The following CUL3 variants were observed in gnomAD, a reference collection of about 807,000 sequenced individuals.
CUL3 encodes the protein cullin-3.
CUL3 carries 19 observed loss-of-function variants against 89.1 expected under a neutral mutation model. The observed-to-expected ratio is 0.21, with a 90% CI of 0.15 to 0.31. The LOEUF is 0.31. CUL3 is among the 10% of genes least tolerant of loss of function. The probability of loss-of-function intolerance (pLI) is 1.00; values close to 1 mark genes in which losing one functional copy is unlikely to be tolerated. For synonymous variants in CUL3, 351 were observed against 308.4 expected (o/e 1.14, Z -1.45); for missense variants, 469 against 942.3 (o/e 0.50, Z 6.58).
intron 2 of CUL3, among the ~76,000 whole-genome samples, chr2:224,554,074 T>C (rs1694614246): frequency 6.6e-6 from 1 of 152,020 alleles, no homozygotes; most frequent in Admixed American, 6.6e-5. Flanking sequence ...ACTCTGGCCT[T>C]CTCTCTTCTC....
chr2:224,541,056 T>G (rs1450094881), intron 2 of CUL3, among the ~76,000 whole-genome samples: 1 of 152,166 alleles, frequency 6.6e-6, no homozygotes, highest in African/African-American at 2.4e-5. Flanking sequence ...TGTCATCTGA[T>G]AATTTTAAGC....
intron 10 of CUL3, 28 bp downstream of exon 10, chr2:224,502,937 C>G (rs2106194043): frequency 6.7e-7 from 1 of 1,497,610 alleles, no homozygotes; most frequent in Non-Finnish European, 9.3e-7. Flanking sequence ...ACATGAATAT[C>G]TAAGTAGAAA....
chr2:224,475,511 G>C (rs758163085), intron 15 of CUL3, among the ~76,000 whole-genome samples: 1 of 152,122 alleles, frequency 6.6e-6, no homozygotes, highest in Non-Finnish European at 1.5e-5. Flanking sequence ...TACTCTTGTT[G>C]ATCAGTTCAT....
At chr2:224,483,557 CT>C (rs1559338566) in intron 13 of CUL3, among the ~76,000 whole-genome samples, 1 of 152,142 alleles carries the variant, frequency 6.6e-6, no homozygotes, top group Non-Finnish European at 1.5e-5. Context: ...ATTTAAATTA[CT>C]TTTTAAAAGC....
In CUL3 at chr2:224,478,251, C is replaced by T. The variant is rs947047598; in HGVS notation, c.2124G>A (p.Val708=). The T allele has an allele frequency of 6.2e-7, 1 of 1,613,608 alleles. No homozygotes were observed. The highest frequency in any genetic ancestry group is 2.2e-5 in the East Asian group (1 of 44,846). Residue 708 remains valine (V), a synonymous_variant, in exon 15 of 16, where the codon GTG becomes GTA. Transcript: ENST00000264414. The part of the protein sequence containing the change: ...DRKHEIEAAI[V]RIMKSRKKMQ... ...TCTTCTTTCTAGATTTCATTATCCG[C>T]ACTATAGCAGCTTCTATCTCATGTT...
At chr2:224,580,678 T>G (rs1695415212) in intron 1 of CUL3, among the ~76,000 whole-genome samples, 1 of 151,784 alleles carries the variant, frequency 6.6e-6, no homozygotes, top group Non-Finnish European at 1.5e-5. Context: ...AGCAAGACTC[T>G]GTCTCAAAAA....
intron 6 of CUL3, 23 bp from the exon 7 acceptor site, chr2:224,507,026 T>C: frequency 6.2e-7 from 1 of 1,602,866 alleles, no homozygotes; most frequent in Non-Finnish European, 8.5e-7. Context: ...AAACACAAAT[T>C]GGCTACATTA....
intron 3 of CUL3, among the ~76,000 whole-genome samples, chr2:224,519,642 T>C (rs977757172): frequency 1.3e-5 from 2 of 152,182 alleles, no homozygotes; most frequent in Non-Finnish European, 2.9e-5. Flanking sequence ...TAATACTAAA[T>C]AATCATTTAT....
intron 14 of CUL3, among the ~76,000 whole-genome samples, chr2:224,480,983 A>C (rs1320988612): frequency 6.6e-6 from 1 of 152,190 alleles, no homozygotes; most frequent in Non-Finnish European, 1.5e-5. Context: ...CAAAGTATAC[A>C]TACGAAACAA....
At chr2:224,493,330 TTTCTTTAAA>T (rs1307190372) in intron 13 of CUL3, among the ~76,000 whole-genome samples, 1 of 152,194 alleles carries the variant, frequency 6.6e-6, no homozygotes, top group African/African-American at 2.4e-5. Flanking sequence ...GTGGAGGTGA[TTTCTTTAAA>T]AAGGCTAGCT....
intron 3 of CUL3, among the ~76,000 whole-genome samples, chr2:224,515,764 C>T (rs1481612275): frequency 6.6e-6 from 1 of 151,574 alleles, no homozygotes; most frequent in Non-Finnish European, 1.5e-5. Context: ...GGTGCCATCT[C>T]GGCTCACTGC....
At position 224,500,367 on chromosome 2, in the gene CUL3, T is replaced by C; in HGVS notation, c.1606A>G (p.Arg536Gly). 1 of 1,614,088 alleles carries C rather than the reference T, an allele frequency of 6.2e-7. No homozygotes were observed. ...CAAAGTCTGATTTTGATTTACCTTC[T>C]GAATATCTCAAAAGCATGTCTTGGT... The part of the protein sequence containing the change: ...PAPRHAFEIF[R>G]RFYLAKHSGR... Residue 536 changes from arginine (R) to glycine (G), a missense_variant, in exon 11 of 16, where the codon AGA becomes GGA. Transcript: ENST00000264414.
At chr2:224,529,755 T>G (rs949482255) in intron 3 of CUL3, among the ~76,000 whole-genome samples, 2 of 152,144 alleles carry the variant, frequency 1.3e-5, no homozygotes, top group Non-Finnish European at 2.9e-5. Flanking sequence ...AGAGGCCACA[T>G]GTTCCATCAA....
intron 8 of CUL3, among the ~76,000 whole-genome samples, chr2:224,504,960 A>G (rs1014091173): frequency 4.6e-5 from 7 of 152,150 alleles, no homozygotes; most frequent in Non-Finnish European, 7.4e-5. Flanking sequence ...GATGAGATCT[A>G]CTCTATCTAT....
chr2:224,512,318 A>G (rs1219246355), intron 5 of CUL3, among the ~76,000 whole-genome samples: 1 of 151,918 alleles, frequency 6.6e-6, no homozygotes, highest in Admixed American at 6.6e-5. Context: ...GGATGGTCTC[A>G]ATCTCCTGAT....
intron 13 of CUL3, among the ~76,000 whole-genome samples, chr2:224,490,049 C>A (rs961123202): frequency 3.9e-5 from 6 of 152,140 alleles, no homozygotes; most frequent in Non-Finnish European, 8.8e-5. Flanking sequence ...AGGATATGAA[C>A]AGACACTTCT....
intron 15 of CUL3, among the ~76,000 whole-genome samples, chr2:224,474,906 A>C (rs1344951361): frequency 6.6e-6 from 1 of 152,228 alleles, no homozygotes; most frequent in Non-Finnish European, 1.5e-5. Flanking sequence ...TCCAAGTACT[A>C]TCAGGATTCT....
intron 2 of CUL3, among the ~76,000 whole-genome samples, chr2:224,545,999 G>A (rs1694277965): frequency 6.6e-6 from 1 of 151,976 alleles, no homozygotes; most frequent in South Asian, 2.1e-4. Context: ...AGAAAAATCA[G>A]GATTTCTCAA....
chr2:224,478,414 T>TC (rs1691402415), intron 14 of CUL3, 69 bp from the exon 15 acceptor site: 1 of 1,462,822 alleles, frequency 6.8e-7, no homozygotes, highest in African/African-American at 1.4e-5. Flanking sequence ...AAGCTTATTA[T>TC]AATTCAATGT....
Sources: allele counts gnomAD v4.1 joint callset (sites outside exome capture counted in the v4.1 genomes callset), GRCh38; gene constraint gnomAD v4.1.1; transcripts MANE v1.5; gene names NCBI Gene and HGNC (gene_info 2026-07-23, HGNC 2026-07-21).